Variants in RAB33A observed in about 807,000 individuals in gnomAD.
RAB33A encodes the protein ras-related protein Rab-33A.
RAB33A carries 6 observed loss-of-function variants against 12.0 expected under a neutral mutation model. The observed-to-expected ratio is 0.50, with a 90% CI of 0.27 to 0.99. RAB33A has a LOEUF of 0.99. Among genes scored for constraint, RAB33A ranks in the 50% least tolerant of loss-of-function variants. The probability of loss-of-function intolerance (pLI) is 0.11; values close to 1 mark genes in which losing one functional copy is unlikely to be tolerated. For missense variants in RAB33A, 109 were observed against 192.0 expected (o/e 0.57, Z 2.55); for synonymous variants, 70 against 82.4 (o/e 0.85, Z 0.81).
the RAB33A span, chrX:130,147,610 G>C: frequency 9.1e-6 from 11 of 1,210,543 alleles, no homozygotes; most frequent in African/African-American, 3.5e-5. Flanking sequence ...AGGATCTTCA[G>C]ATACAATCAG....
At chrX:130,149,406 A>G in the RAB33A span, 1 of 973,018 alleles carries the variant, frequency 1.0e-6, no homozygotes, top group Non-Finnish European at 1.5e-6. Flanking sequence ...CACAGCACCC[A>G]AACTGTTTAT....
the RAB33A span, among the ~76,000 whole-genome samples, chrX:130,128,021 A>G: frequency 9.0e-6 from 1 of 111,484 alleles, no homozygotes; most frequent in African/African-American, 3.3e-5. Flanking sequence ...AGATTTGGAT[A>G]TATCATTTGG....
the RAB33A span, chrX:130,133,550 T>C: frequency 3.0e-6 from 3 of 1,003,051 alleles, no homozygotes; most frequent in Non-Finnish European, 4.2e-6. Context: ...AGAACACTTG[T>C]AATGGTAACT....
upstream of RAB33A, among the ~76,000 whole-genome samples, chrX:130,169,899 A>G (rs2031587543): frequency 8.9e-6 from 1 of 112,420 alleles, no homozygotes; most frequent in South Asian, 3.6e-4. Context: ...CCTTAAAGCT[A>G]TTCTGTAGAT....
chrX:130,184,185 G>A, intron 1 of RAB33A, 100 bp from the exon 2 acceptor site: 3 of 828,391 alleles, frequency 3.6e-6, no homozygotes, highest in Admixed American at 3.1e-5. Context: ...CACCGCACCC[G>A]TCCTGTCACT....
At chrX:130,120,374 G>T in the RAB33A span, among the ~76,000 whole-genome samples, 1 of 111,660 alleles carries the variant, frequency 9.0e-6, no homozygotes, top group African/African-American at 3.3e-5. Context: ...CTGCGCCCCA[G>T]CCTTGGCCAC....
the RAB33A span, among the ~76,000 whole-genome samples, chrX:130,152,111 GAGAAA>G: frequency 2.0e-5 from 2 of 98,507 alleles, no homozygotes; most frequent in East Asian, 3.1e-4. Context: ...GAGAAGAGAA[GAGAAA>G]AGAAAAGAAA....
At chrX:130,146,596 A>T in the RAB33A span, among the ~76,000 whole-genome samples, 2 of 109,856 alleles carry the variant, frequency 1.8e-5, no homozygotes, top group Non-Finnish European at 3.8e-5. Context: ...AAGTTTGTAA[A>T]ATTTGGTCAG....
the RAB33A span, chrX:130,138,709 A>T: frequency 8.8e-7 from 1 of 1,133,298 alleles, no homozygotes; most frequent in Non-Finnish European, 1.2e-6. Context: ...AATCTGCAGG[A>T]TCACATCAGT....
intron 1 of RAB33A, among the ~76,000 whole-genome samples, chrX:130,180,703 G>A (rs977186768): frequency 1.2e-4 from 13 of 104,048 alleles, no homozygotes; most frequent in African/African-American, 3.9e-4. Flanking sequence ...TGATCCGCCC[G>A]CCTCAGCCTC....
the RAB33A span, chrX:130,136,973 C>A: frequency 8.4e-7 from 1 of 1,196,190 alleles, no homozygotes; most frequent in Non-Finnish European, 1.1e-6. Context: ...ATTTTACAGG[C>A]CAGGTGATAG....
upstream of RAB33A, among the ~76,000 whole-genome samples, chrX:130,169,324 GGATT>G (rs2031580921): frequency 9.0e-6 from 1 of 111,040 alleles, no homozygotes; most frequent in South Asian, 3.7e-4. Flanking sequence ...CAATAATCAT[GGATT>G]GATTAAATAC....
the RAB33A span, among the ~76,000 whole-genome samples, chrX:130,157,699 G>A: frequency 9.0e-6 from 1 of 111,252 alleles, no homozygotes; most frequent in African/African-American, 3.3e-5. Flanking sequence ...AGGCGTGGTG[G>A]CTCACGCCTG....
At chrX:130,163,478 TGA>T in the RAB33A span, among the ~76,000 whole-genome samples, 1 of 111,625 alleles carries the variant, frequency 9.0e-6, no homozygotes, top group African/African-American at 3.3e-5. Flanking sequence ...ATTCCTAAAA[TGA>T]GAGTATCAGA....
chrX:130,152,134 AG>A, the RAB33A span, among the ~76,000 whole-genome samples: 1 of 111,588 alleles, frequency 9.0e-6, no homozygotes, highest in African/African-American at 3.3e-5. Flanking sequence ...AAAAAAGAAA[AG>A]AAAAAAAAGA....
the RAB33A span, among the ~76,000 whole-genome samples, chrX:130,132,167 C>T: frequency 3.6e-5 from 4 of 111,537 alleles, no homozygotes; most frequent in African/African-American, 9.8e-5. Flanking sequence ...CCACCGCACC[C>T]GACCAACACC....
the RAB33A span, among the ~76,000 whole-genome samples, chrX:130,113,142 G>A: frequency 2.3e-5 from 2 of 86,648 alleles, no homozygotes; most frequent in East Asian, 4.1e-4. Context: ...GTGCAGTGGC[G>A]CGATCTCGGC....
chrX:130,171,079 G>A (rs749479680), upstream of RAB33A, among the ~76,000 whole-genome samples: 2 of 113,148 alleles, frequency 1.8e-5, no homozygotes, highest in Admixed American at 1.8e-4. Context: ...TGTGATAAGG[G>A]GATGTTGGCG....
chrX:130,121,374 C>A, the RAB33A span, among the ~76,000 whole-genome samples: 3 of 108,286 alleles, frequency 2.8e-5, no homozygotes, highest in East Asian at 8.6e-4. Context: ...CCTCAGCCTC[C>A]GGAGTAGCTC....
Sources: gnomAD v4.1 joint callset for allele counts (sites outside exome capture counted in the v4.1 genomes callset) on GRCh38, gnomAD v4.1.1 for gene constraint, MANE v1.5 for transcripts, NCBI Gene and HGNC (gene_info 2026-07-23, HGNC 2026-07-21) for gene names.